PCNP: variants seen among roughly 807,000 people sequenced by gnomAD.
PCNP encodes the protein PEST proteolytic signal containing nuclear protein.
A neutral mutation model predicts 21.8 loss-of-function variants in PCNP; 6 were observed. That is an observed-to-expected ratio of 0.28 (90% confidence interval 0.15 to 0.54). The LOEUF is 0.54. Ranked by LOEUF, PCNP falls within the 20% of genes least tolerant of loss-of-function variation. PCNP has a pLI of 0.95. For synonymous variants in PCNP, 67 were observed against 73.2 expected (o/e 0.92, Z 0.43); for missense variants, 161 against 215.5 (o/e 0.75, Z 1.58).
chr3:101,576,565 C>T, intron 1 of PCNP: 1 of 1,610,928 alleles, frequency 6.2e-7, no homozygotes, highest in Non-Finnish European at 8.5e-7. Context: ...GACACGAAGG[C>T]CCCAGAAGTG....
intron 4 of PCNP, among the ~76,000 whole-genome samples, chr3:101,591,420 C>T (rs1208075183): frequency 6.6e-6 from 1 of 152,178 alleles, no homozygotes; most frequent in South Asian, 2.1e-4. Context: ...AGTGCTAAAT[C>T]TATACACAAG....
intron 3 of PCNP, chr3:101,589,923 T>C: frequency 3.3e-6 from 1 of 306,368 alleles, no homozygotes. Flanking sequence ...TTTTAAGAGA[T>C]AGGACATACA....
At chr3:101,586,571 T>TGTGTGTGTGTGTGTGAGAGAGA in intron 3 of PCNP, among the ~76,000 whole-genome samples, 17 of 114,138 alleles carry the variant, frequency 1.5e-4, no homozygotes, top group African/African-American at 4.9e-4. Flanking sequence ...TGTGTGTGTG[T>TGTGTGTGTGTGTGTGAGAGAGA]GAGAGAGAGA....
rs1318288772 is a variant in PCNP at position 101,594,084 on chromosome 3, C to G, written c.*1331C>G. On this transcript the variant is annotated 3_prime_UTR_variant, in exon 5 of 5. Transcript: ENST00000265260. ...CTTCAGACTGTTTTATTGGTGGTAG[C>G]TGCTTGCTGAGGTCTTTTAGTTGGT... 1 of 152,388 alleles carries G rather than the reference C, an allele frequency of 6.6e-6. No individual in the cohort carries two copies. Among genetic ancestry groups the G allele is most frequent in the East Asian group, 1.9e-4 (1 of 5,202 alleles). 9.4% of individuals were successfully genotyped at this position (152,388 alleles called of 1,614,324 possible).
At position 101,586,980 on chromosome 3, in the gene PCNP, G is replaced by A. The variant is rs533958016; in HGVS notation, c.354+1469G>A. Among the ~76,000 whole-genome samples the A allele has an allele frequency of 8.5e-5, 13 of 152,260 alleles. 1 individual carries two copies. In the South Asian group the frequency reaches 2.3e-3, roughly 27 times the overall value. ...TCAAGAAATAATTCTGTGGCCGCGC[G>A]CAGTGGCTCATGGCTGTAATCCCAA... is the stretch of plus-strand genomic sequence containing the variant. On this transcript the variant is annotated intron_variant, in intron 3 of 4. Coordinates refer to ENST00000265260, the MANE Select transcript of PCNP (RefSeq NM_020357.3).
chr3:101,589,227 G>A (rs1290747682), intron 3 of PCNP, among the ~76,000 whole-genome samples: 2 of 152,030 alleles, frequency 1.3e-5, no homozygotes, highest in Non-Finnish European at 2.9e-5. Flanking sequence ...TATTCAATAG[G>A]TTATAATGCT....
chr3:101,576,244 CTT>C lies in PCNP; in HGVS notation c.64+1978_64+1979del, dbSNP rs35289041. On this transcript the variant is annotated intron_variant, in intron 1 of 4. Transcript: ENST00000265260. ...GTTTTTTTTTTTTATGAATGGTTTC[CTT>C]TTTTTTTTTTTTGAGATGGAGCTCT... Among the ~76,000 whole-genome samples, 51 of 136,248 alleles carry C rather than the reference CTT, an allele frequency of 3.7e-4. 1 individual carries two copies. Among genetic ancestry groups the C allele is most frequent in the Non-Finnish European group, 4.5e-4 (29 of 64,024 alleles). The allele number at this position is 136,248 out of a possible 152,430, so 89.4% of individuals were successfully genotyped here. A position where few individuals can be genotyped will look rare whatever the true frequency, so the allele number is the denominator to read the frequency against.
chr3:101,587,870 C>T (rs1935614034), intron 3 of PCNP, among the ~76,000 whole-genome samples: 2 of 152,122 alleles, frequency 1.3e-5, no homozygotes, highest in South Asian at 4.1e-4. Context: ...ATTGTAAGCA[C>T]CTACATTACA....
chr3:101,576,968 C>T lies in PCNP; in HGVS notation c.64+2689C>T, dbSNP rs1390311354. 7.9e-6 allele frequency: 9 copies of T among 1,132,260 alleles called. No individual in the cohort carries two copies. In the African/African-American group the frequency reaches 9.2e-5, roughly 12 times the overall value. 70.1% of individuals were successfully genotyped at this position (1,132,260 alleles called of 1,614,324 possible). On this transcript the variant is annotated intron_variant, in intron 1 of 4. Transcript: ENST00000265260. ...GACATGGCGGCAGCACAAGCGGCGG[C>T]GTGTAGGCCTCCTGTGGAGGAGCAA...
At chr3:101,574,991 C>T (rs1303436925) in intron 1 of PCNP, 2 of 152,176 alleles carry the variant, frequency 1.3e-5, no homozygotes, top group African/African-American at 4.8e-5. Flanking sequence ...GACCGCTTGC[C>T]AGATACTTAG....
rs182302296 is a variant in PCNP, at chr3:101,585,627, T to G, written c.354+116T>G. On this transcript the variant is annotated intron_variant, in intron 3 of 4. Transcript: ENST00000265260. ...AATTTTCTTTATAATAGTTTTTGTG[T>G]CTGTGTGTGACATCCATAAAAACTG... 3.8e-3 allele frequency: 2,348 copies of G among 612,490 alleles called. 58 individuals carry two copies. The highest frequency in any genetic ancestry group is 7.6e-3 in the East Asian group (255 of 33,746). The allele number at this position is 612,490 out of a possible 1,614,324, so 37.9% of individuals were successfully genotyped here.
intron 3 of PCNP, among the ~76,000 whole-genome samples, chr3:101,588,005 G>T (rs1935620968): frequency 6.6e-6 from 1 of 152,170 alleles, no homozygotes; most frequent in African/African-American, 2.4e-5. Context: ...GGGCATGGTG[G>T]CTCATGCCTG....
intron 1 of PCNP, 105 bp downstream of exon 1, chr3:101,574,384 C>T (rs1934742144): frequency 7.4e-7 from 1 of 1,356,330 alleles, no homozygotes; most frequent in South Asian, 1.5e-5. Flanking sequence ...CGGATCTGGA[C>T]CTCACCCGGC....
At chr3:101,590,845 A>G (rs1286193298) in intron 4 of PCNP, among the ~76,000 whole-genome samples, 2 of 152,038 alleles carry the variant, frequency 1.3e-5, no homozygotes, top group Non-Finnish European at 2.9e-5. Flanking sequence ...CACCATGCCC[A>G]GCTGTTTTTT....
At chr3:101,582,390 G>A (rs1935270085) in intron 2 of PCNP, among the ~76,000 whole-genome samples, 3 of 152,186 alleles carry the variant, frequency 2.0e-5, no homozygotes, top group South Asian at 4.1e-4. Context: ...AGGCAGAGGT[G>A]CAGTGAGCCA....
intron 1 of PCNP, chr3:101,574,817 CTT>C (rs1045606305): frequency 6.5e-6 from 1 of 152,726 alleles, no homozygotes; most frequent in African/African-American, 2.4e-5. Context: ...GGCCTGCTCT[CTT>C]TCCTTTACTT....
intron 1 of PCNP, 158 bp from the exon 2 acceptor site, chr3:101,579,632 C>T (rs1935121397): frequency 1.4e-6 from 1 of 719,276 alleles, no homozygotes; most frequent in Admixed American, 2.0e-5. Context: ...ATCTCAGTTC[C>T]TGCTGTATAC....
At position 101,594,040 on chromosome 3, in the gene PCNP, A is replaced by G. The variant is rs1935940937; in HGVS notation, c.*1287A>G. 6.6e-6 allele frequency: 1 copy of G among 152,532 alleles called. No individual in the cohort carries two copies. Among genetic ancestry groups the G allele is most frequent in the South Asian group, 2.1e-4 (1 of 4,830 alleles). The allele number at this position is 152,532 out of a possible 1,614,324, so 9.4% of individuals were successfully genotyped here. A position where few individuals can be genotyped will look rare whatever the true frequency, so the allele number is the denominator to read the frequency against. On this transcript the variant is annotated 3_prime_UTR_variant, in exon 5 of 5. Coordinates refer to ENST00000265260, the MANE Select transcript of PCNP (RefSeq NM_020357.3). ...AAAAATTTCCTTGAAAACTCCTACAATATTATATTTGGAGGCAGCTTCAGA... is the reference window on the plus strand; with the variant it reads ...AAAAATTTCCTTGAAAACTCCTACAGTATTATATTTGGAGGCAGCTTCAGA...
intron 1 of PCNP, 45 bp downstream of exon 1, chr3:101,574,324 C>A: frequency 6.6e-7 from 1 of 1,504,428 alleles, no homozygotes; most frequent in Non-Finnish European, 9.0e-7. Flanking sequence ...ATGCTCCGGG[C>A]CTTTCTTTGA....
Sources: allele counts gnomAD v4.1 joint callset (sites outside exome capture counted in the v4.1 genomes callset), GRCh38; gene constraint gnomAD v4.1.1; transcripts MANE v1.5; gene names NCBI Gene and HGNC (gene_info 2026-07-23, HGNC 2026-07-21).